PCYOX1: variants seen among roughly 807,000 people sequenced by gnomAD.
PCYOX1 encodes the protein prenylcysteine lyase.
Under a neutral mutation model 46.4 loss-of-function variants are expected in PCYOX1, and 46 were observed. The ratio of observed to expected loss-of-function variants is 0.99; its 90% CI spans 0.78 to 1.27. The LOEUF is 1.27. Among genes scored for constraint, PCYOX1 ranks in the 50% most tolerant of loss-of-function variants. PCYOX1 has a pLI of 0.00. For missense variants in PCYOX1, 658 were observed against 628.3 expected, an observed-to-expected ratio of 1.05 and a Z score of -0.51; for synonymous variants, 220 against 231.8, an observed-to-expected ratio of 0.95 and a Z score of 0.46.
intron 3 of PCYOX1, among the ~76,000 whole-genome samples, chr2:70,268,927 CT>C (rs1469709926): frequency 6.6e-6 from 1 of 152,030 alleles, no homozygotes; most frequent in Non-Finnish European, 1.5e-5. Flanking sequence ...TGATCTTGGA[CT>C]TTTGGCCTAC....
intron 5 of PCYOX1, 136 bp downstream of exon 5, chr2:70,275,802 A>G (rs1050692291): frequency 2.3e-6 from 2 of 876,272 alleles, no homozygotes; most frequent in African/African-American, 3.4e-5. Flanking sequence ...TACCATATAG[A>G]AATATTCCCC....
chr2:70,276,176 CT>C (rs146169632), intron 5 of PCYOX1, among the ~76,000 whole-genome samples: 9,026 of 141,078 alleles, frequency 0.064, 322 homozygotes, highest in East Asian at 0.19. Context: ...GAAAAATAAT[CT>C]TTTTTTTTTT....
chr2:70,276,656 T>C, intron 5 of PCYOX1, 78 bp from the exon 6 acceptor site: 1 of 795,448 alleles, frequency 1.3e-6, no homozygotes, highest in Non-Finnish European at 2.0e-6. Flanking sequence ...ATAGAGAAAT[T>C]ATGAAGAAGG....
At chr2:70,275,408 A>G (rs929785060) in intron 4 of PCYOX1, 106 bp from the exon 5 acceptor site, 28 of 1,205,424 alleles carry the variant, frequency 2.3e-5, no homozygotes, top group Non-Finnish European at 3.2e-5. Context: ...CCATTTAGCA[A>G]TGTCTAGAGA....
At chr2:70,263,938 C>T (rs957557078) in intron 3 of PCYOX1, among the ~76,000 whole-genome samples, 6 of 146,778 alleles carry the variant, frequency 4.1e-5, no homozygotes, top group Admixed American at 6.9e-5. Flanking sequence ...GGATTATAGG[C>T]GTGAGCCACT....
Position 70,277,176 on chromosome 2 carries a change from T to TG in PCYOX1, c.1303dup (p.Ala435GlyfsTer6), listed in dbSNP as rs769444932. The TG allele has an allele frequency of 1.2e-6, 2 of 1,613,992 alleles. No homozygotes were observed. The highest frequency in any genetic ancestry group is 2.7e-5 in the African/African-American group (2 of 74,916). ...ATTATGCTGTGAAGAAGCCATGGCT[T>TG]GCATATCCTCACTATAAGCCCCCGG... On this transcript the variant is annotated frameshift_variant, in exon 6 of 6. Coordinates refer to ENST00000433351, the MANE Select transcript of PCYOX1 (RefSeq NM_016297.4). LOFTEE classifies it high-confidence loss of function.
At chr2:70,258,313 G>T in intron 1 of PCYOX1, 37 bp downstream of exon 1, 6 of 1,374,828 alleles carry the variant, frequency 4.4e-6, no homozygotes, top group Non-Finnish European at 5.8e-6. Context: ...AGGTGCTGGA[G>T]CGCGCCCCGC....
intron 2 of PCYOX1, among the ~76,000 whole-genome samples, chr2:70,259,835 T>C (rs572740665): frequency 6.6e-6 from 1 of 152,140 alleles, no homozygotes; most frequent in Non-Finnish European, 1.5e-5. Flanking sequence ...TTTTTTCTTT[T>C]GAGGAGTTTC....
At chr2:70,259,990 A>G (rs918759221) in intron 2 of PCYOX1, among the ~76,000 whole-genome samples, 4 of 151,824 alleles carry the variant, frequency 2.6e-5, no homozygotes, top group African/African-American at 4.8e-5. Flanking sequence ...TAATTTTTGT[A>G]TTTTCAGTAG....
rs573512342 is a variant in PCYOX1, at chr2:70,272,056, T to C, written c.495-2903T>C. Reference sequence around the variant, plus strand: ...CACCCTTAAATTCCAGAAAATGGCATGGTTTTTCCAACCTCCTGTGGATAT... The same window carrying C: ...CACCCTTAAATTCCAGAAAATGGCACGGTTTTTCCAACCTCCTGTGGATAT... On this transcript the variant is annotated intron_variant, in intron 3 of 5. Transcript: ENST00000433351. Among the ~76,000 whole-genome samples the C allele has an allele frequency of 2.0e-4, 31 of 152,264 alleles. No individual in the cohort carries two copies. In the South Asian group the frequency reaches 4.6e-3, roughly 22 times the overall value.
In PCYOX1 at chr2:70,275,051, A is replaced by C; in HGVS notation, c.587A>C (p.Asn196Thr). The C allele has an allele frequency of 6.2e-7, 1 of 1,613,920 alleles. No homozygotes were observed. Among genetic ancestry groups the C allele is most frequent in the Non-Finnish European group, 8.5e-7 (1 of 1,179,772 alleles). The stretch of plus-strand genomic sequence containing the variant: ...GGAGATGACTTCCTTGGAATGCTTA[A>C]TCGAACACTTCTTGAAACCTTGCAA... The part of the protein sequence containing the change: ...LGGDDFLGML[N>T]RTLLETLQKA... Residue 196 changes from asparagine (N) to threonine (T), a missense_variant, in exon 4 of 6, where the codon AAT (asparagine) becomes ACT (threonine). Asn to Thr is a moderately conservative substitution (Grantham distance 65). Coordinates refer to ENST00000433351, the MANE Select transcript of PCYOX1 (RefSeq NM_016297.4).
rs1642886900 is a variant in PCYOX1, at chr2:70,261,350, A to C, written c.458A>C (p.His153Pro). Residue 153 changes from histidine (H) to proline (P), a missense_variant, in exon 3 of 6, where the codon CAC becomes CCC. Coordinates refer to ENST00000433351, the MANE Select transcript of PCYOX1 (RefSeq NM_016297.4). ...TATGGATTTCAATCCCTCCGTATGC[A>C]CATGTGGGTAGAGGACGTGTTAGAC... Reference protein sequence around the residue: ...WRYGFQSLRMHMWVEDVLDKF... With the variant: ...WRYGFQSLRMPMWVEDVLDKF... The C allele has an allele frequency of 6.2e-7, 1 of 1,613,158 alleles. No individual in the cohort carries two copies. The highest frequency in any genetic ancestry group is 8.5e-7 in the Non-Finnish European group (1 of 1,179,084).
chr2:70,275,260 G>A, intron 4 of PCYOX1, 90 bp downstream of exon 4: 1 of 1,145,392 alleles, frequency 8.7e-7, no homozygotes, highest in Non-Finnish European at 1.3e-6. Context: ...GCTGTGGATT[G>A]GAGGCTACTT....
upstream of PCYOX1, chr2:70,258,005 G>A: frequency 2.0e-6 from 1 of 511,106 alleles, no homozygotes; most frequent in Non-Finnish European, 3.3e-6. Context: ...CTGCAGGGTT[G>A]AGAGGACCGG....
Position 70,272,910 on chromosome 2 carries a change from C to T in PCYOX1, c.495-2049C>T, listed in dbSNP as rs545644876. On this transcript the variant is annotated intron_variant, in intron 3 of 5. Coordinates refer to ENST00000433351, the MANE Select transcript of PCYOX1 (RefSeq NM_016297.4). ...ATGGGGTTTCACCATGTTGGCCAGGCGGTCTCAAACTACTGACCTCAAGTG... is the reference window on the plus strand; with the variant it reads ...ATGGGGTTTCACCATGTTGGCCAGGTGGTCTCAAACTACTGACCTCAAGTG... Among the ~76,000 whole-genome samples, 7 of 151,960 alleles carry T rather than the reference C, an allele frequency of 4.6e-5. No individual in the cohort carries two copies. The East Asian group carries it at 5.8e-4, about 13-fold the overall frequency.
intron 3 of PCYOX1, among the ~76,000 whole-genome samples, chr2:70,262,455 C>T (rs540101146): frequency 6.7e-5 from 10 of 148,886 alleles, no homozygotes; most frequent in Admixed American, 5.4e-4. Flanking sequence ...TGTGAGCTAC[C>T]GAGCTTGGCC....
chr2:70,272,357 C>A (rs1219623688), intron 3 of PCYOX1, among the ~76,000 whole-genome samples: 1 of 152,040 alleles, frequency 6.6e-6, no homozygotes, highest in Non-Finnish European at 1.5e-5. Context: ...AAACTCCTGA[C>A]CTCAAGCGAT....
Position 70,278,720 on chromosome 2 carries a change from A to C in PCYOX1, c.*1328A>C, listed in dbSNP as rs917361995. On this transcript the variant is annotated 3_prime_UTR_variant, in exon 6 of 6. Coordinates refer to ENST00000433351, the MANE Select transcript of PCYOX1 (RefSeq NM_016297.4). ...GGAATCACCTGTAGGGTTTTAAAGC[A>C]TCCAAATGGTAATTAACAGGCAGCA... 6.6e-6 allele frequency: 1 copy of C among 152,226 alleles called. No homozygotes were observed. Among genetic ancestry groups the C allele is most frequent in the Non-Finnish European group, 1.5e-5 (1 of 68,046 alleles). The allele number at this position is 152,226 out of a possible 1,614,324, so 9.4% of individuals were successfully genotyped here.
At position 70,274,946 on chromosome 2, in the gene PCYOX1, T is replaced by G. The variant is rs1696648849; in HGVS notation, c.495-13T>G. ...TTGTTTGGTATTTAATGGATTTCTC[T>G]TCTTTTCCAAAGGATCTACCGCTAC... On this transcript the variant is annotated splice_polypyrimidine_tract_variant and intron_variant, in intron 3 of 5. Transcript: ENST00000433351. 6.6e-7 allele frequency: 1 copy of G among 1,521,740 alleles called. No homozygotes were observed. 94.3% of individuals were successfully genotyped at this position (1,521,740 alleles called of 1,614,324 possible). A position where few individuals can be genotyped will look rare whatever the true frequency, so the allele number is the denominator to read the frequency against.
Sources: allele counts gnomAD v4.1 joint callset (sites outside exome capture counted in the v4.1 genomes callset), GRCh38; gene constraint gnomAD v4.1.1; transcripts MANE v1.5; gene names NCBI Gene and HGNC (gene_info 2026-07-23, HGNC 2026-07-21).